PLCE1: variants seen among roughly 807,000 people sequenced by gnomAD.
PLCE1 encodes the protein phospholipase C epsilon 1.
A neutral mutation model predicts 242.8 loss-of-function variants in PLCE1; 119 were observed. The observed-to-expected ratio is 0.49, with a 90% CI of 0.42 to 0.57. The LOEUF (loss-of-function observed/expected upper bound fraction) is 0.57. PLCE1 is among the 20% of genes least tolerant of loss of function. The probability of loss-of-function intolerance (pLI) is 0.00; values close to 1 mark genes in which losing one functional copy is unlikely to be tolerated. For missense variants in PLCE1, 2,441 were observed against 2,788.8 expected (o/e 0.88, Z 2.81); for synonymous variants, 945 against 1,017.4 (o/e 0.93, Z 1.35).
chr10:94,053,152 G>T (rs1589924307), intron 2 of PLCE1, among the ~76,000 whole-genome samples: 1 of 152,146 alleles, frequency 6.6e-6, no homozygotes, highest in East Asian at 1.9e-4. Flanking sequence ...AGGAGTCCCG[G>T]CTCCACCGTT....
At chr10:94,037,138 C>T (rs1183284228) in intron 2 of PLCE1, among the ~76,000 whole-genome samples, 2 of 152,178 alleles carry the variant, frequency 1.3e-5, no homozygotes, top group Non-Finnish European at 2.9e-5. Context: ...CTTTCTTCTT[C>T]ATACTTTACT....
At chr10:94,237,391 C>T (rs1225951249) in intron 7 of PLCE1, among the ~76,000 whole-genome samples, 1 of 152,158 alleles carries the variant, frequency 6.6e-6, no homozygotes, top group Non-Finnish European at 1.5e-5. Flanking sequence ...TCCTTTCCCT[C>T]GAAGTTCCTT....
chr10:94,127,544 G>A (rs924245649), intron 2 of PLCE1, among the ~76,000 whole-genome samples: 3 of 152,228 alleles, frequency 2.0e-5, no homozygotes, highest in African/African-American at 7.2e-5. Flanking sequence ...CATCATATTG[G>A]CTAAATTTCC....
At position 94,234,109 on chromosome 10, in the gene PLCE1, A is replaced by C. The variant is rs1359294597; in HGVS notation, c.2011A>C (p.Met671Leu). The part of the protein sequence containing the change: ...QFMDQSDIET[M>L]RSLKDAMAQH... ...CATGGACCAGTCTGATATTGAGACC[A>C]TGAGGAGCCTGAAGGATGCTATGGC... The change falls in exon 6 of 33, where the codon ATG (methionine) becomes CTG (leucine). Residue 671 changes from methionine to leucine, a missense_variant. By Grantham distance (15) the Met-to-Leu change is conservative. Transcript: ENST00000371380. 8.7e-6 allele frequency: 14 copies of C among 1,613,916 alleles called. No homozygotes were observed. The highest frequency in any genetic ancestry group is 3.4e-6 in the Non-Finnish European group (4 of 1,179,874).
intron 5 of PLCE1, among the ~76,000 whole-genome samples, chr10:94,227,909 T>G (rs1218341734): frequency 2.0e-5 from 3 of 152,272 alleles, no homozygotes; most frequent in African/African-American, 7.2e-5. Flanking sequence ...CTCTCATTAT[T>G]AACAAACACT....
At chr10:94,187,525 G>T (rs746169168) in intron 4 of PLCE1, among the ~76,000 whole-genome samples, 2 of 152,068 alleles carry the variant, frequency 1.3e-5, no homozygotes, top group Admixed American at 6.5e-5. Flanking sequence ...ATACCCGATG[G>T]CTCGGTACCC....
Position 94,234,423 on chromosome 10 carries a change from T to C in PLCE1, c.2214+111T>C, listed in dbSNP as rs187303635. 29 of 1,159,322 alleles carry C rather than the reference T, an allele frequency of 2.5e-5. No homozygotes were observed. The East Asian group carries it at 4.5e-4, about 18-fold the overall frequency. 71.8% of individuals were successfully genotyped at this position (1,159,322 alleles called of 1,614,324 possible). On this transcript the variant is annotated intron_variant, in intron 6 of 32. Coordinates refer to ENST00000371380, the MANE Select transcript of PLCE1 (RefSeq NM_016341.4). The stretch of plus-strand genomic sequence containing the variant: ...GATCACTGATTGAACACAGGGTTAA[T>C]AGTTGTTATATTATTTCTGGGTAGC...
intron 25 of PLCE1, 47 bp downstream of exon 25, chr10:94,304,692 T>C: frequency 6.3e-7 from 1 of 1,585,886 alleles, no homozygotes; most frequent in Non-Finnish European, 8.6e-7. Flanking sequence ...GTTTAAGCCT[T>C]CCTGAAAACG....
intron 5 of PLCE1, among the ~76,000 whole-genome samples, chr10:94,232,503 T>C (rs1438663505): frequency 2.0e-5 from 3 of 152,132 alleles, no homozygotes; most frequent in African/African-American, 7.2e-5. Context: ...TCTTACTTGA[T>C]GGGGCAGTTG....
At chr10:94,233,140 C>T (rs2050199902) in intron 5 of PLCE1, among the ~76,000 whole-genome samples, 1 of 152,336 alleles carries the variant, frequency 6.6e-6, no homozygotes, top group South Asian at 2.1e-4. Context: ...GAGGGCCTCT[C>T]TTTAGAAGGT....
At chr10:94,296,769 C>T (rs1044046189) in intron 23 of PLCE1, among the ~76,000 whole-genome samples, 2 of 152,202 alleles carry the variant, frequency 1.3e-5, no homozygotes, top group African/African-American at 4.8e-5. Context: ...CCTTTGCATT[C>T]ATAACTTAGC....
chr10:94,052,775 C>T (rs7082622), intron 2 of PLCE1, among the ~76,000 whole-genome samples: 59,145 of 151,914 alleles, frequency 0.39, 14,230 homozygotes, highest in African/African-American at 0.69. Context: ...TCTAGTTAAC[C>T]GGTAGTTCCC....
In PLCE1 at chr10:94,033,491, C is replaced by G. The variant is rs2061602997; in HGVS notation, c.1206+1239C>G. Among the ~76,000 whole-genome samples, 4 of 152,164 alleles carry G rather than the reference C, an allele frequency of 2.6e-5. No individual in the cohort carries two copies. In the South Asian group the frequency reaches 8.3e-4, roughly 32 times the overall value. On this transcript the variant is annotated intron_variant, in intron 2 of 32. Transcript: ENST00000371380. ...TCTATTGGTGACAAGATCACAGTTA[C>G]TATTACTACTACTGAAGTTTGTTGC...
rs559496577 is a variant in PLCE1 at position 94,071,495 on chromosome 10, G to GTTTTTTTTTTTTTTTT, written c.1206+39249_1206+39264dup. ...GTCTGTGTGTGTGTGTTTGGTTTTCGTTTTTTTTTTTTTTTTTTTTTGAGT... is the reference window on the plus strand; with the variant it reads ...GTCTGTGTGTGTGTGTTTGGTTTTCGTTTTTTTTTTTTTTTTTTTTTTTTTTTTTTTTTTTTTGAGT... On this transcript the variant is annotated intron_variant, in intron 2 of 32. Transcript: ENST00000371380. 9.4e-4 allele frequency among the ~76,000 whole-genome samples: 78 copies of GTTTTTTTTTTTTTTTT among 83,308 alleles called. 16 individuals are homozygous for GTTTTTTTTTTTTTTTT. The highest frequency in any genetic ancestry group is 3.4e-3 in the African/African-American group (64 of 18,670). 54.7% of individuals were successfully genotyped at this position (83,308 alleles called of 152,430 possible).
At chr10:94,111,312 G>A (rs1590048264) in intron 2 of PLCE1, among the ~76,000 whole-genome samples, 1 of 152,328 alleles carries the variant, frequency 6.6e-6, no homozygotes, top group South Asian at 2.1e-4. Flanking sequence ...AGTGAAGAAA[G>A]GGCCTGGCAA....
chr10:94,004,967 A>G (rs538750515), intron 1 of PLCE1, among the ~76,000 whole-genome samples: 1 of 152,320 alleles, frequency 6.6e-6, no homozygotes, highest in Admixed American at 6.5e-5. Flanking sequence ...ATAAGTGAGG[A>G]ATCATTTGTA....
chr10:94,017,826 G>A (rs1265986569), intron 1 of PLCE1, among the ~76,000 whole-genome samples: 2 of 152,196 alleles, frequency 1.3e-5, no homozygotes, highest in South Asian at 2.1e-4. Flanking sequence ...GACATCAGAT[G>A]TAGGGGATCC....
At chr10:94,101,080 A>G (rs560529929) in intron 2 of PLCE1, among the ~76,000 whole-genome samples, 1 of 152,256 alleles carries the variant, frequency 6.6e-6, no homozygotes, top group East Asian at 1.9e-4. Context: ...AGAGCTCTCC[A>G]CAGAGGAAAT....
At chr10:94,239,023 G>A (rs544840412) in intron 7 of PLCE1, among the ~76,000 whole-genome samples, 2 of 152,194 alleles carry the variant, frequency 1.3e-5, no homozygotes, top group South Asian at 4.1e-4. Flanking sequence ...CTAAGCCTCA[G>A]TTTTGTCATC....
Sources: allele counts gnomAD v4.1 joint callset (sites outside exome capture counted in the v4.1 genomes callset), GRCh38; gene constraint gnomAD v4.1.1; transcripts MANE v1.5; gene names NCBI Gene and HGNC (gene_info 2026-07-23, HGNC 2026-07-21).